Variants in MYO16 observed in about 807,000 individuals in gnomAD.
MYO16 encodes the protein myosin XVI, also known as unconventional myosin-XVI.
A neutral mutation model predicts 205.3 loss-of-function variants in MYO16; 94 were observed. That is an observed-to-expected ratio of 0.46 (90% CI 0.39 to 0.54). MYO16 has a LOEUF of 0.54. Among genes scored for constraint, MYO16 ranks in the 20% least tolerant of loss-of-function variants. The probability of loss-of-function intolerance (pLI) is 0.00; values close to 1 mark genes in which losing one functional copy is unlikely to be tolerated. For synonymous variants in MYO16, 988 were observed against 954.0 expected (o/e 1.04, Z -0.66); for missense variants, 2,315 against 2,387.5 (o/e 0.97, Z 0.63).
chr13:108,909,157 C>T (rs1275795739), intron 15 of MYO16, among the ~76,000 whole-genome samples: 3 of 152,080 alleles, frequency 2.0e-5, no homozygotes, highest in Non-Finnish European at 4.4e-5. Context: ...TTCTGAATTG[C>T]TGATCTTCAT....
chr13:109,036,386 A>T (rs755552832), intron 23 of MYO16, among the ~76,000 whole-genome samples: 4 of 152,156 alleles, frequency 2.6e-5, no homozygotes, highest in Non-Finnish European at 5.9e-5. Flanking sequence ...GTCTTGATGA[A>T]TTTTGAGTCA....
At chr13:108,633,251 G>A (rs1880069887) in intron 1 of MYO16, among the ~76,000 whole-genome samples, 1 of 152,164 alleles carries the variant, frequency 6.6e-6, no homozygotes, top group African/African-American at 2.4e-5. Flanking sequence ...GTTTATTAAG[G>A]AGAATTAACT....
At chr13:108,867,711 A>G (rs1448236357) in intron 12 of MYO16, among the ~76,000 whole-genome samples, 1 of 152,244 alleles carries the variant, frequency 6.6e-6, no homozygotes, top group Non-Finnish European at 1.5e-5. Context: ...CAAATATTAA[A>G]TCTTCTGTTC....
At chr13:108,616,705 T>C (rs2139327709) in intron 1 of MYO16, among the ~76,000 whole-genome samples, 1 of 152,240 alleles carries the variant, frequency 6.6e-6, no homozygotes, top group East Asian at 1.9e-4. Context: ...AGAAACTACT[T>C]ATTGTTTTAA....
chr13:108,585,587 G>A, the MYO16 span, among the ~76,000 whole-genome samples: 1 of 152,322 alleles, frequency 6.6e-6, no homozygotes, highest in Admixed American at 6.5e-5. Flanking sequence ...AAAGGGAGAA[G>A]GGGATTCTCT....
chr13:108,888,352 T>G lies in MYO16; in HGVS notation c.1554-20T>G. The G allele has an allele frequency of 1.3e-6, 2 of 1,531,260 alleles. No homozygotes were observed. Among genetic ancestry groups the G allele is most frequent in the Non-Finnish European group, 1.8e-6 (2 of 1,133,432 alleles). The allele number at this position is 1,531,260 out of a possible 1,614,324, so 94.9% of individuals were successfully genotyped here. ...GCAAAGTTCCTTCAAACTTATGTTT[T>G]TCCTCTCTGTTTTCCTTAGTGGAGA... is the stretch of plus-strand genomic sequence containing the variant. On this transcript the variant is annotated intron_variant, in intron 13 of 34. Transcript: ENST00000457511.
rs546938846 is a variant in MYO16 at position 109,139,328 on chromosome 13, T to C, written c.4052-936T>C. ...TTCATATGCCACTAACTATTAATAGTTAATTGGCCAGGTCTCCTGGGTTTC... is the reference window on the plus strand; with the variant it reads ...TTCATATGCCACTAACTATTAATAGCTAATTGGCCAGGTCTCCTGGGTTTC... On this transcript the variant is annotated intron_variant, in intron 31 of 34. Transcript: ENST00000457511. 2.0e-5 allele frequency among the ~76,000 whole-genome samples: 3 copies of C among 152,288 alleles called. No individual in the cohort carries two copies. The South Asian group carries it at 6.2e-4, about 32-fold the overall frequency.
chr13:109,035,847 C>T (rs914662357), intron 23 of MYO16, among the ~76,000 whole-genome samples: 2 of 152,176 alleles, frequency 1.3e-5, no homozygotes, highest in African/African-American at 4.8e-5. Flanking sequence ...ACGTAACGTG[C>T]ATCCAACTTA....
At chr13:108,743,973 C>T (rs1459572442) in intron 4 of MYO16, among the ~76,000 whole-genome samples, 2 of 152,202 alleles carry the variant, frequency 1.3e-5, no homozygotes, top group African/African-American at 4.8e-5. Flanking sequence ...TATCAAGACA[C>T]AAGCTGCCCT....
intron 2 of MYO16, among the ~76,000 whole-genome samples, chr13:108,684,373 C>T (rs188460234): frequency 6.6e-6 from 1 of 152,234 alleles, no homozygotes; most frequent in Admixed American, 6.5e-5. Flanking sequence ...GTTAGATATA[C>T]AAGAGATCTG....
At chr13:108,805,751 A>G (rs998351305) in intron 6 of MYO16, among the ~76,000 whole-genome samples, 2 of 151,752 alleles carry the variant, frequency 1.3e-5, no homozygotes, top group African/African-American at 4.8e-5. Flanking sequence ...TTATTGTTCC[A>G]AAGGCCTTAT....
intron 9 of MYO16, among the ~76,000 whole-genome samples, chr13:108,828,442 AT>A (rs1876405384): frequency 6.6e-6 from 1 of 152,012 alleles, no homozygotes; most frequent in Admixed American, 6.6e-5. Context: ...TCTTTGTGAC[AT>A]TTTTACTGAA....
At chr13:109,032,354 G>A (rs1012721233) in intron 23 of MYO16, among the ~76,000 whole-genome samples, 1 of 152,172 alleles carries the variant, frequency 6.6e-6, no homozygotes, top group African/African-American at 2.4e-5. Context: ...TCAGGCCGCT[G>A]CAGCAGAAGC....
At chr13:109,170,210 A>G (rs192908941) in intron 33 of MYO16, among the ~76,000 whole-genome samples, 13 of 152,324 alleles carry the variant, frequency 8.5e-5, no homozygotes, top group Admixed American at 8.5e-4. Flanking sequence ...GTTTATTTAA[A>G]TTAAAAACAA....
At chr13:108,578,593 C>T in the MYO16 span, among the ~76,000 whole-genome samples, 1 of 152,194 alleles carries the variant, frequency 6.6e-6, no homozygotes, top group Non-Finnish European at 1.5e-5. Flanking sequence ...CTGCCAGTGT[C>T]CTTGCCAGGG....
intron 2 of MYO16, among the ~76,000 whole-genome samples, chr13:108,681,624 G>A (rs79182302): frequency 0.01 from 1,525 of 151,788 alleles, 26 homozygotes; most frequent in African/African-American, 0.035. Context: ...CATCAAGAAG[G>A]TGAACATGTG....
intron 4 of MYO16, among the ~76,000 whole-genome samples, chr13:108,734,374 G>C (rs941089092): frequency 1.3e-5 from 2 of 151,876 alleles, no homozygotes; most frequent in African/African-American, 4.8e-5. Flanking sequence ...AATTGATATC[G>C]CTTCCTCACA....
At chr13:109,021,244 C>T (rs1401353913) in intron 23 of MYO16, among the ~76,000 whole-genome samples, 2 of 152,048 alleles carry the variant, frequency 1.3e-5, no homozygotes, top group African/African-American at 2.4e-5. Context: ...TCAGGAATGA[C>T]ATTAAAAGCA....
At chr13:108,562,871 G>A in the MYO16 span, among the ~76,000 whole-genome samples, 3 of 152,194 alleles carry the variant, frequency 2.0e-5, no homozygotes, top group East Asian at 1.9e-4. Flanking sequence ...TTAATGACAC[G>A]TTTTCAGAAT....
Sources: gnomAD v4.1 joint callset for allele counts (sites outside exome capture counted in the v4.1 genomes callset) on GRCh38, gnomAD v4.1.1 for gene constraint, MANE v1.5 for transcripts, NCBI Gene and HGNC (gene_info 2026-07-23, HGNC 2026-07-21) for gene names.